The following MACROD2 variants were observed in gnomAD, a reference collection of about 807,000 sequenced individuals.
The protein encoded by MACROD2 is ADP-ribose glycohydrolase MACROD2.
A neutral mutation model predicts 70.4 loss-of-function variants in MACROD2; 36 were observed. The observed-to-expected ratio is 0.51, with a 90% confidence interval of 0.39 to 0.68. The LOEUF (loss-of-function observed/expected upper bound fraction) is 0.68. Among genes scored for constraint, MACROD2 ranks in the 30% least tolerant of loss-of-function variants. The probability of loss-of-function intolerance (pLI) is 0.00; values close to 1 mark genes in which losing one functional copy is unlikely to be tolerated. For synonymous variants in MACROD2, 172 were observed against 178.8 expected (o/e 0.96, Z 0.30); for missense variants, 496 against 538.4 (o/e 0.92, Z 0.78).
At chr20:14,481,640 T>A (rs927119612) in intron 3 of MACROD2, among the ~76,000 whole-genome samples, 2 of 152,172 alleles carry the variant, frequency 1.3e-5, no homozygotes, top group African/African-American at 4.8e-5. Context: ...TGAAATAATT[T>A]GGGAGAAATA....
At chr20:15,621,876 G>A (rs2049130613) in intron 8 of MACROD2, among the ~76,000 whole-genome samples, 1 of 152,188 alleles carries the variant, frequency 6.6e-6, no homozygotes, top group African/African-American at 2.4e-5. Context: ...ATACCTCAGG[G>A]TTTAATTGGG....
At chr20:15,690,512 C>G (rs1247087357) in intron 8 of MACROD2, among the ~76,000 whole-genome samples, 2 of 152,140 alleles carry the variant, frequency 1.3e-5, no homozygotes, top group Non-Finnish European at 2.9e-5. Context: ...CCATAAGGAT[C>G]TGAATGTCGA....
At chr20:16,045,270 G>A (rs1193474869) in intron 17 of MACROD2, among the ~76,000 whole-genome samples, 1 of 152,134 alleles carries the variant, frequency 6.6e-6, no homozygotes, top group Non-Finnish European at 1.5e-5. Context: ...TCCAGATCAT[G>A]TTTAGGAGTT....
chr20:15,045,692 T>G (rs1289707474), intron 5 of MACROD2, among the ~76,000 whole-genome samples: 1 of 150,936 alleles, frequency 6.6e-6, no homozygotes, highest in East Asian at 1.9e-4. Flanking sequence ...TTCTGATGTT[T>G]CTCTGATAAT....
chr20:14,409,489 A>C (rs1231602334), intron 3 of MACROD2, among the ~76,000 whole-genome samples: 1 of 151,962 alleles, frequency 6.6e-6, no homozygotes, highest in Non-Finnish European at 1.5e-5. Flanking sequence ...AGAGAGATTA[A>C]GTAACTCACC....
At chr20:16,029,215 T>A (rs761793697) in intron 15 of MACROD2, among the ~76,000 whole-genome samples, 1 of 152,214 alleles carries the variant, frequency 6.6e-6, no homozygotes, top group Non-Finnish European at 1.5e-5. Context: ...GCCCTATTTA[T>A]AAATACAGTA....
intron 3 of MACROD2, among the ~76,000 whole-genome samples, chr20:14,296,074 A>G (rs1191598369): frequency 1.3e-5 from 2 of 151,864 alleles, no homozygotes; most frequent in African/African-American, 4.9e-5. Flanking sequence ...GTAAATAACC[A>G]TGCATTTTCT....
chr20:15,753,806 G>A (rs564739979), intron 8 of MACROD2, among the ~76,000 whole-genome samples: 1 of 152,158 alleles, frequency 6.6e-6, no homozygotes, highest in Non-Finnish European at 1.5e-5. Context: ...AGTAGCAGTT[G>A]TTCTGACTGG....
At chr20:15,157,492 C>A (rs1363762440) in intron 5 of MACROD2, among the ~76,000 whole-genome samples, 1 of 152,006 alleles carries the variant, frequency 6.6e-6, no homozygotes, top group Non-Finnish European at 1.5e-5. Context: ...TGTTGTGTTT[C>A]TGCTGTTAAC....
At chr20:14,565,373 C>T (rs1049070562) in intron 4 of MACROD2, among the ~76,000 whole-genome samples, 5 of 151,662 alleles carry the variant, frequency 3.3e-5, no homozygotes, top group African/African-American at 7.2e-5. Context: ...TTTTTTAAAA[C>T]GTAACACTTT....
intron 5 of MACROD2, among the ~76,000 whole-genome samples, chr20:15,212,021 A>G (rs369035158): frequency 1.7e-3 from 255 of 152,236 alleles, no homozygotes; most frequent in South Asian, 0.017. Flanking sequence ...ACACTTATTA[A>G]TATCTGCCTT....
chr20:15,614,187 C>T (rs1371682314), intron 8 of MACROD2, among the ~76,000 whole-genome samples: 2 of 152,132 alleles, frequency 1.3e-5, no homozygotes, highest in African/African-American at 4.8e-5. Context: ...GAATGTAAAG[C>T]ACCTAACGTC....
At chr20:14,962,790 G>C (rs531464356) in intron 5 of MACROD2, among the ~76,000 whole-genome samples, 1 of 142,796 alleles carries the variant, frequency 7.0e-6, no homozygotes, top group African/African-American at 2.6e-5. Flanking sequence ...TCTTTCTCTC[G>C]TCTGTCCACT....
intron 3 of MACROD2, among the ~76,000 whole-genome samples, chr20:14,475,539 T>C (rs1203010987): frequency 6.6e-6 from 1 of 152,078 alleles, no homozygotes; most frequent in Non-Finnish European, 1.5e-5. Flanking sequence ...TTAGCATCCT[T>C]TTCTTTCAGT....
intron 4 of MACROD2, among the ~76,000 whole-genome samples, chr20:14,682,815 G>C (rs1162959338): frequency 6.6e-6 from 1 of 152,146 alleles, no homozygotes; most frequent in Non-Finnish European, 1.5e-5. Flanking sequence ...AAGTAAAAAT[G>C]CTAATTGAAA....
chr20:14,897,946 C>T (rs1194799084), intron 5 of MACROD2, among the ~76,000 whole-genome samples: 4 of 152,058 alleles, frequency 2.6e-5, no homozygotes, highest in Non-Finnish European at 5.9e-5. Context: ...GAAGTCTGCC[C>T]TCATGAACCA....
intron 13 of MACROD2, among the ~76,000 whole-genome samples, chr20:15,974,571 C>T (rs1388491801): frequency 6.6e-6 from 1 of 151,964 alleles, no homozygotes; most frequent in East Asian, 1.9e-4. Flanking sequence ...ATTGAAAATA[C>T]TCTGTATAAT....
intron 5 of MACROD2, among the ~76,000 whole-genome samples, chr20:14,792,936 A>T (rs962447432): frequency 6.6e-6 from 1 of 152,046 alleles, no homozygotes; most frequent in African/African-American, 2.4e-5. Context: ...ACCAAATAAA[A>T]GTTATTTTGG....
intron 3 of MACROD2, among the ~76,000 whole-genome samples, chr20:14,375,427 T>C: frequency 6.6e-6 from 1 of 152,214 alleles, no homozygotes; most frequent in East Asian, 1.9e-4. Context: ...GAAGGTTTTG[T>C]TTCCCATGTG....
Sources: gnomAD v4.1 joint callset for allele counts (sites outside exome capture counted in the v4.1 genomes callset) on GRCh38, gnomAD v4.1.1 for gene constraint, MANE v1.5 for transcripts, NCBI Gene and HGNC (gene_info 2026-07-23, HGNC 2026-07-21) for gene names.